XKR6: variants seen among roughly 807,000 people sequenced by gnomAD.
The protein encoded by XKR6 is XK related 6.
In XKR6, 22 loss-of-function variants were observed where a neutral mutation model predicts 56.7. The observed-to-expected ratio is 0.39, with a 90% CI of 0.28 to 0.55. The LOEUF (loss-of-function observed/expected upper bound fraction) is 0.55, where lower values mean the gene tolerates loss of function less well. XKR6 is among the 20% of genes least tolerant of loss of function. The probability of loss-of-function intolerance (pLI) is 0.66; values close to 1 mark genes in which losing one functional copy is unlikely to be tolerated. For missense variants in XKR6, 852 were observed against 889.0 expected (o/e 0.96, Z 0.53); for synonymous variants, 524 against 387.8 (o/e 1.35, Z -4.13).
chr8:11,151,597 C>A (rs557147694), intron 1 of XKR6, among the ~76,000 whole-genome samples: 60 of 152,246 alleles, frequency 3.9e-4, no homozygotes, highest in African/African-American at 9.4e-4. Context: ...GCAGAAGCAA[C>A]GGCGCAGTCT....
At chr8:11,169,370 C>T (rs1802249250) in intron 1 of XKR6, among the ~76,000 whole-genome samples, 1 of 152,130 alleles carries the variant, frequency 6.6e-6, no homozygotes, top group African/African-American at 2.4e-5. Context: ...TAACAGTATA[C>T]TTTGCCACCA....
chr8:11,182,118 G>A lies in XKR6; in HGVS notation c.764+18458C>T, dbSNP rs145963083. Among the ~76,000 whole-genome samples, 74 of 152,336 alleles carry A rather than the reference G, an allele frequency of 4.9e-4. 1 individual carries two copies. In the East Asian group the frequency reaches 0.014, roughly 29 times the overall value. On this transcript the variant is annotated intron_variant, in intron 1 of 2. Transcript: ENST00000416569. Reference sequence around the variant, plus strand: ...CTAACCAAAATAAACACTATTTACAGTATAGGGTTTTAGAGTAAATACCTT... The same window carrying A: ...CTAACCAAAATAAACACTATTTACAATATAGGGTTTTAGAGTAAATACCTT...
chr8:10,911,534 G>C (rs1383632239), intron 2 of XKR6, among the ~76,000 whole-genome samples: 1 of 143,664 alleles, frequency 7.0e-6, no homozygotes, highest in Admixed American at 7.1e-5. Context: ...AAAGAGAGGG[G>C]GTGAATATAT....
chr8:11,017,764 C>G (rs562134783), intron 1 of XKR6, among the ~76,000 whole-genome samples: 32 of 152,322 alleles, frequency 2.1e-4, no homozygotes, highest in African/African-American at 7.5e-4. Context: ...AGAAGAAAAA[C>G]CACATCAGTC....
chr8:10,923,520 T>C (rs999271175), intron 2 of XKR6, among the ~76,000 whole-genome samples: 5 of 152,252 alleles, frequency 3.3e-5, no homozygotes, highest in Admixed American at 1.3e-4. Context: ...AACAGCTCAG[T>C]CTTCCACTGG....
At chr8:11,105,002 G>A (rs1798624748) in intron 1 of XKR6, 1 of 152,126 alleles carries the variant, frequency 6.6e-6, no homozygotes, top group Admixed American at 6.6e-5. Flanking sequence ...ACCACATTCG[G>A]TTTTTAAAAC....
In XKR6 at chr8:11,052,588, G is replaced by A. The variant is rs536849399; in HGVS notation, c.765-127758C>T. The stretch of plus-strand genomic sequence containing the variant: ...ATCTCCTTCAGCCCCGTTCCTGGAC[G>A]TGAGGCTTTGGCTGTCTGGCCTGTG... On this transcript the variant is annotated intron_variant, in intron 1 of 2. Coordinates refer to ENST00000416569, the MANE Select transcript of XKR6 (RefSeq NM_173683.4). 3.7e-4 allele frequency among the ~76,000 whole-genome samples: 57 copies of A among 152,220 alleles called. No individual in the cohort carries two copies. The South Asian group carries it at 5.8e-3, about 16-fold the overall frequency.
chr8:11,038,642 C>T (rs1799208216), intron 1 of XKR6, among the ~76,000 whole-genome samples: 1 of 151,948 alleles, frequency 6.6e-6, no homozygotes, highest in South Asian at 2.1e-4. Flanking sequence ...TCAGATGATC[C>T]TCCTGCCTCA....
intron 1 of XKR6, among the ~76,000 whole-genome samples, chr8:11,141,274 A>C (rs1800686140): frequency 6.6e-6 from 1 of 152,176 alleles, no homozygotes; most frequent in Admixed American, 6.5e-5. Context: ...TTATGCACTG[A>C]ATATGTCCCT....
At chr8:10,946,883 TG>T (rs1423379195) in intron 1 of XKR6, among the ~76,000 whole-genome samples, 9 of 151,934 alleles carry the variant, frequency 5.9e-5, no homozygotes, top group African/African-American at 2.2e-4. Context: ...TGCTCAAGGA[TG>T]GGGGAGAGTT....
intron 1 of XKR6, among the ~76,000 whole-genome samples, chr8:10,947,660 C>T (rs902098432): frequency 1.3e-5 from 2 of 152,204 alleles, no homozygotes; most frequent in Non-Finnish European, 2.9e-5. Context: ...CAAAGGTGAT[C>T]TTTCATTCAC....
chr8:10,902,253 C>T (rs1800056232), intron 2 of XKR6, among the ~76,000 whole-genome samples: 1 of 152,236 alleles, frequency 6.6e-6, no homozygotes, highest in Non-Finnish European at 1.5e-5. Context: ...GGGGAGTCTG[C>T]TGGCGAGCTA....
chr8:11,040,067 A>G (rs1799247000), intron 1 of XKR6, among the ~76,000 whole-genome samples: 1 of 152,144 alleles, frequency 6.6e-6, no homozygotes, highest in Non-Finnish European at 1.5e-5. Context: ...GTGAGGAAGC[A>G]AGAAGAAAAC....
intron 1 of XKR6, among the ~76,000 whole-genome samples, chr8:11,131,596 G>A (rs564345685): frequency 1.3e-4 from 20 of 152,202 alleles, no homozygotes; most frequent in African/African-American, 4.3e-4. Flanking sequence ...GCCATTAGCC[G>A]CCAGTTCTCT....
At chr8:10,933,832 G>A (rs1228418397) in intron 1 of XKR6, among the ~76,000 whole-genome samples, 125 of 129,610 alleles carry the variant, frequency 9.6e-4, no homozygotes, top group African/African-American at 3.9e-3. Context: ...CAGGTAGTGT[G>A]ATGCCTCCAG....
intron 1 of XKR6, among the ~76,000 whole-genome samples, chr8:11,191,371 G>T (rs1803564659): frequency 6.6e-6 from 1 of 152,112 alleles, no homozygotes; most frequent in Non-Finnish European, 1.5e-5. Context: ...GCTAACATAT[G>T]ACCCCACAAG....
intron 1 of XKR6, among the ~76,000 whole-genome samples, chr8:11,051,864 A>T (rs1370638006): frequency 1.3e-5 from 2 of 152,082 alleles, no homozygotes; most frequent in Non-Finnish European, 2.9e-5. Context: ...ACAAAACGGG[A>T]TACACGTGCA....
intron 1 of XKR6, among the ~76,000 whole-genome samples, chr8:11,037,090 C>T (rs1182340130): frequency 6.6e-6 from 1 of 152,186 alleles, no homozygotes; most frequent in Non-Finnish European, 1.5e-5. Flanking sequence ...AGTGATGCTA[C>T]GTGACACAGA....
chr8:10,959,536 C>A (rs1290069595), intron 1 of XKR6, among the ~76,000 whole-genome samples: 2 of 152,162 alleles, frequency 1.3e-5, no homozygotes, highest in Non-Finnish European at 2.9e-5. Flanking sequence ...TACTTGCAGA[C>A]AGCCACCTTC....
Sources: gnomAD v4.1 joint callset for allele counts (sites outside exome capture counted in the v4.1 genomes callset) on GRCh38, gnomAD v4.1.1 for gene constraint, MANE v1.5 for transcripts, NCBI Gene and HGNC (gene_info 2026-07-23, HGNC 2026-07-21) for gene names.